CLSTN2: variants seen among roughly 807,000 people sequenced by gnomAD.
CLSTN2 encodes calsyntenin 2.
Under a neutral mutation model 101.2 loss-of-function variants are expected in CLSTN2, and 48 were observed. The observed-to-expected ratio is 0.47, with a 90% confidence interval of 0.38 to 0.60. The LOEUF is 0.60. Among genes scored for constraint, CLSTN2 ranks in the 20% least tolerant of loss-of-function variants. CLSTN2 has a pLI of 0.00. For missense variants in CLSTN2, 1,160 were observed against 1,238.2 expected (o/e 0.94, Z 0.95); for synonymous variants, 481 against 463.6 (o/e 1.04, Z -0.48).
At chr3:139,969,523 C>CTACA (rs1163784449) in intron 1 of CLSTN2, among the ~76,000 whole-genome samples, 1 of 152,192 alleles carries the variant, frequency 6.6e-6, no homozygotes, top group Non-Finnish European at 1.5e-5. Flanking sequence ...TTGTTACCAA[C>CTACA]TACATACATC....
intron 2 of CLSTN2, among the ~76,000 whole-genome samples, chr3:140,248,010 G>T (rs2086531151): frequency 6.6e-6 from 1 of 152,164 alleles, no homozygotes; most frequent in South Asian, 2.1e-4. Context: ...AATCCAGCAG[G>T]ATGTATGAGT....
At chr3:140,487,259 G>C (rs529014902) in intron 8 of CLSTN2, among the ~76,000 whole-genome samples, 1 of 152,292 alleles carries the variant, frequency 6.6e-6, no homozygotes, top group East Asian at 1.9e-4. Flanking sequence ...AAAGATCTCA[G>C]AAATTATTGC....
intron 8 of CLSTN2, among the ~76,000 whole-genome samples, chr3:140,515,589 A>T (rs1459789776): frequency 2.6e-5 from 4 of 151,990 alleles, no homozygotes; most frequent in Admixed American, 6.6e-5. Flanking sequence ...TCAATTCAAA[A>T]TTTTTTTTAA....
At chr3:139,966,816 GTT>G (rs1422012777) in intron 1 of CLSTN2, among the ~76,000 whole-genome samples, 1 of 152,150 alleles carries the variant, frequency 6.6e-6, no homozygotes, top group Non-Finnish European at 1.5e-5. Flanking sequence ...TTTTGGGTCT[GTT>G]TGTGCGAAGT....
At chr3:140,295,112 G>C (rs2086990304) in intron 2 of CLSTN2, among the ~76,000 whole-genome samples, 1 of 151,886 alleles carries the variant, frequency 6.6e-6, no homozygotes. Context: ...AGAAATACCT[G>C]GTTTTATACA....
chr3:140,387,022 C>G (rs887457363), intron 2 of CLSTN2, among the ~76,000 whole-genome samples: 3 of 152,124 alleles, frequency 2.0e-5, no homozygotes, highest in Non-Finnish European at 2.9e-5. Context: ...TTTTCTACAC[C>G]CAACCAACTT....
At chr3:140,564,653 T>C (rs1393398886) in intron 16 of CLSTN2, among the ~76,000 whole-genome samples, 1 of 152,240 alleles carries the variant, frequency 6.6e-6, no homozygotes. Context: ...GAGTGCTCTA[T>C]ATACACCACC....
At chr3:140,287,349 G>T (rs2107900624) in intron 2 of CLSTN2, among the ~76,000 whole-genome samples, 1 of 152,254 alleles carries the variant, frequency 6.6e-6, no homozygotes, top group Non-Finnish European at 1.5e-5. Context: ...AAGACAGAAA[G>T]CAGCAGATCA....
chr3:140,124,618 C>T (rs767692256), intron 1 of CLSTN2, among the ~76,000 whole-genome samples: 14 of 152,170 alleles, frequency 9.2e-5, no homozygotes, highest in Non-Finnish European at 1.3e-4. Flanking sequence ...TGCCAATAAC[C>T]GGGATGGAGA....
At chr3:140,124,277 C>A (rs2009394294) in intron 1 of CLSTN2, among the ~76,000 whole-genome samples, 1 of 152,002 alleles carries the variant, frequency 6.6e-6, no homozygotes, top group Admixed American at 6.6e-5. Context: ...AAGCAGGGCC[C>A]AGATCAAAGA....
chr3:139,958,852 AT>A (rs1935453343), intron 1 of CLSTN2, among the ~76,000 whole-genome samples: 1 of 148,724 alleles, frequency 6.7e-6, no homozygotes, highest in South Asian at 2.2e-4. Flanking sequence ...GAGTCTTATA[AT>A]TGATGGCATC....
chr3:140,363,145 TA>T (rs2087747692), intron 2 of CLSTN2, among the ~76,000 whole-genome samples: 1 of 151,986 alleles, frequency 6.6e-6, no homozygotes, highest in Admixed American at 6.6e-5. Context: ...TATTCAACAA[TA>T]AAAAGGAATA....
intron 8 of CLSTN2, among the ~76,000 whole-genome samples, chr3:140,475,780 G>A (rs12630402): frequency 0.081 from 12,291 of 152,192 alleles, 645 homozygotes; most frequent in East Asian, 0.12. Context: ...TTGTGTTTCA[G>A]GCTGTACATC....
intron 2 of CLSTN2, among the ~76,000 whole-genome samples, chr3:140,325,727 C>T (rs775782954): frequency 1.3e-5 from 2 of 152,192 alleles, no homozygotes; most frequent in Non-Finnish European, 2.9e-5. Flanking sequence ...GTTACTTCCT[C>T]CTTCCTTTCT....
chr3:140,194,696 A>G (rs2010620106), intron 2 of CLSTN2, among the ~76,000 whole-genome samples: 1 of 152,278 alleles, frequency 6.6e-6, no homozygotes, highest in African/African-American at 2.4e-5. Flanking sequence ...CCTTACTGCT[A>G]ACTGGAGGTA....
chr3:140,293,614 T>A (rs1201147578), intron 2 of CLSTN2, among the ~76,000 whole-genome samples: 2 of 152,090 alleles, frequency 1.3e-5, no homozygotes, highest in African/African-American at 4.8e-5. Context: ...AGAACTTAGA[T>A]AATGGAGTGG....
At chr3:140,335,846 A>T (rs1030841625) in intron 2 of CLSTN2, among the ~76,000 whole-genome samples, 1 of 152,210 alleles carries the variant, frequency 6.6e-6, no homozygotes, top group Non-Finnish European at 1.5e-5. Flanking sequence ...AAAAGCCTTG[A>T]ATGTGGCTGT....
intron 9 of CLSTN2, among the ~76,000 whole-genome samples, chr3:140,546,083 T>G (rs1259923444): frequency 6.6e-6 from 1 of 152,164 alleles, no homozygotes; most frequent in Non-Finnish European, 1.5e-5. Flanking sequence ...GCAACTACCT[T>G]AATGTTTTTG....
chr3:140,025,398 C>T (rs2007397857), intron 1 of CLSTN2, among the ~76,000 whole-genome samples: 1 of 152,218 alleles, frequency 6.6e-6, no homozygotes, highest in African/African-American at 2.4e-5. Flanking sequence ...GATCCTGACT[C>T]TGCAGCTTGT....
Sources: gnomAD v4.1 joint callset for allele counts (sites outside exome capture counted in the v4.1 genomes callset) on GRCh38, gnomAD v4.1.1 for gene constraint, MANE v1.5 for transcripts, NCBI Gene and HGNC (gene_info 2026-07-23, HGNC 2026-07-21) for gene names.